Variants in PHF24 observed in about 807,000 individuals in gnomAD.
PHF24 encodes PHD finger protein 24.
Under a neutral mutation model 42.6 loss-of-function variants are expected in PHF24, and 25 were observed. The observed-to-expected ratio is 0.59, with a 90% CI of 0.43 to 0.82. The LOEUF (loss-of-function observed/expected upper bound fraction) is 0.82. Among genes scored for constraint, PHF24 ranks in the 40% least tolerant of loss-of-function variants. The probability of loss-of-function intolerance (pLI) is 0.00; values close to 1 mark genes in which losing one functional copy is unlikely to be tolerated. For missense variants in PHF24, 470 were observed against 538.1 expected (o/e 0.87, Z 1.25); for synonymous variants, 185 against 204.8 (o/e 0.90, Z 0.83).
the PHF24 span, chr9:34,835,035 TC>T: frequency 6.8e-7 from 1 of 1,480,764 alleles, no homozygotes; most frequent in Non-Finnish European, 9.2e-7. Flanking sequence ...TGGAGATCAC[TC>T]CCTGAGTCAT....
chr9:34,779,167 T>G, the PHF24 span, among the ~76,000 whole-genome samples: 1 of 151,734 alleles, frequency 6.6e-6, no homozygotes, highest in African/African-American at 2.4e-5. Context: ...AAATCCATAA[T>G]TTTCCACCCT....
chr9:34,775,334 A>G, the PHF24 span, among the ~76,000 whole-genome samples: 1 of 152,212 alleles, frequency 6.6e-6, no homozygotes, highest in Non-Finnish European at 1.5e-5. Context: ...GGTACCTAGA[A>G]TAGCCAAATT....
chr9:34,745,485 G>T, the PHF24 span, among the ~76,000 whole-genome samples: 1 of 151,906 alleles, frequency 6.6e-6, no homozygotes, highest in Non-Finnish European at 1.5e-5. Flanking sequence ...TACAATAAGA[G>T]GTAGGTAGGT....
At chr9:34,915,088 A>G in the PHF24 span, among the ~76,000 whole-genome samples, 2 of 124,346 alleles carry the variant, frequency 1.6e-5, no homozygotes, top group Non-Finnish European at 3.1e-5. Context: ...GCTGGAGTGC[A>G]GTGGCACGAT....
the PHF24 span, chr9:34,689,913 G>A: frequency 3.1e-6 from 5 of 1,613,800 alleles, no homozygotes; most frequent in South Asian, 3.3e-5. The surrounding 1 kb of genome is among the most constrained non-coding windows in gnomAD (Gnocchi z 4.1). Context: ...GACAGGGCCA[G>A]GGAGGGCCAG....
At chr9:34,917,874 G>C in the PHF24 span, 2 of 1,564,654 alleles carry the variant, frequency 1.3e-6, no homozygotes, top group Non-Finnish European at 1.8e-6. Flanking sequence ...AGACTTTGGA[G>C]TGATAGCAAC....
chr9:34,885,416 C>G, the PHF24 span, among the ~76,000 whole-genome samples: 1 of 152,142 alleles, frequency 6.6e-6, no homozygotes, highest in Non-Finnish European at 1.5e-5. Flanking sequence ...TCCTGGATCT[C>G]CTTAGGAACC....
chr9:34,916,501 T>A, the PHF24 span, among the ~76,000 whole-genome samples: 1 of 152,206 alleles, frequency 6.6e-6, no homozygotes, highest in African/African-American at 2.4e-5. Flanking sequence ...AAGACAATCA[T>A]CTTATAAATG....
the PHF24 span, among the ~76,000 whole-genome samples, chr9:34,748,776 AC>A: frequency 6.6e-6 from 1 of 152,002 alleles, no homozygotes; most frequent in East Asian, 1.9e-4. Flanking sequence ...TAAATACCTA[AC>A]TCTTCAATGC....
chr9:34,829,480 GTATT>G, the PHF24 span, among the ~76,000 whole-genome samples: 10 of 152,136 alleles, frequency 6.6e-5, no homozygotes, highest in Non-Finnish European at 1.0e-4. Context: ...CACATAGTAA[GTATT>G]CCAATATTTT....
chr9:34,691,049 G>C, the PHF24 span: 1 of 1,539,884 alleles, frequency 6.5e-7, no homozygotes, highest in South Asian at 1.2e-5. Context: ...CCCACTGCCA[G>C]CCCCCCACTG....
chr9:34,925,934 T>G, the PHF24 span, among the ~76,000 whole-genome samples: 1 of 152,246 alleles, frequency 6.6e-6, no homozygotes, highest in Non-Finnish European at 1.5e-5. Flanking sequence ...GGAGTAGGTT[T>G]CATAAGAAAA....
the PHF24 span, among the ~76,000 whole-genome samples, chr9:34,915,932 C>T: frequency 6.6e-6 from 1 of 151,832 alleles, no homozygotes; most frequent in East Asian, 1.9e-4. Flanking sequence ...CACCCCACCA[C>T]CAACCCTGGT....
At chr9:34,823,024 G>A in the PHF24 span, among the ~76,000 whole-genome samples, 7 of 150,624 alleles carry the variant, frequency 4.6e-5, no homozygotes, top group African/African-American at 1.5e-4. Context: ...GTGAAACCCC[G>A]TCTCTACTAA....
chr9:34,944,217 A>G, the PHF24 span, among the ~76,000 whole-genome samples: 1 of 152,222 alleles, frequency 6.6e-6, no homozygotes, highest in African/African-American at 2.4e-5. Context: ...TCAAAGCATG[A>G]TGTAGGCTGA....
chr9:34,691,830 C>G, the PHF24 span, among the ~76,000 whole-genome samples: 4 of 152,326 alleles, frequency 2.6e-5, no homozygotes, highest in Non-Finnish European at 4.4e-5. Context: ...CCCAGGACCC[C>G]CATCCCACAT....
the PHF24 span, among the ~76,000 whole-genome samples, chr9:34,848,858 A>C: frequency 6.6e-6 from 1 of 151,900 alleles, no homozygotes; most frequent in South Asian, 2.1e-4. Context: ...TTCATTATGT[A>C]CCCAGTAGTC....
the PHF24 span, among the ~76,000 whole-genome samples, chr9:34,781,474 G>A: frequency 6.6e-6 from 1 of 152,182 alleles, no homozygotes; most frequent in Non-Finnish European, 1.5e-5. Context: ...ATTGCTTAAA[G>A]GAAACAGAGT....
the PHF24 span, among the ~76,000 whole-genome samples, chr9:34,914,249 T>C: frequency 2.0e-5 from 3 of 152,198 alleles, no homozygotes; most frequent in African/African-American, 7.2e-5. Context: ...TAAATTAATG[T>C]GTTTAAATTT....
Sources: allele counts gnomAD v4.1 joint callset (sites outside exome capture counted in the v4.1 genomes callset), GRCh38; gene constraint gnomAD v4.1.1; non-coding constraint Gnocchi (gnomAD v3.1); transcripts MANE v1.5; gene names NCBI Gene and HGNC (gene_info 2026-07-23, HGNC 2026-07-21).